Variants in TEX14 observed in about 807,000 individuals in gnomAD.
The protein encoded by TEX14 is testis expressed 14, intercellular bridge forming factor, also known as inactive serine/threonine-protein kinase TEX14.
A neutral mutation model predicts 178.6 loss-of-function variants in TEX14; 168 were observed. The observed-to-expected ratio is 0.94, with a 90% CI of 0.83 to 1.07. The LOEUF (loss-of-function observed/expected upper bound fraction) is 1.07. Ranked by LOEUF, TEX14 falls within the 50% of genes least tolerant of loss-of-function variation. TEX14 has a pLI of 0.00. For synonymous variants in TEX14, 626 were observed against 634.1 expected (o/e 0.99, Z 0.19); for missense variants, 1,730 against 1,753.6 (o/e 0.99, Z 0.24).
At chr17:58,616,414 T>C in intron 6 of TEX14, 109 bp from the exon 7 acceptor site, 3 of 1,426,262 alleles carry the variant, frequency 2.1e-6, no homozygotes, top group Non-Finnish European at 2.8e-6. Flanking sequence ...TTATCAACTT[T>C]CTGAATACCC....
At chr17:58,651,721 G>T in intron 2 of TEX14, 145 bp downstream of exon 2, 2 of 730,720 alleles carry the variant, frequency 2.7e-6, no homozygotes, top group Non-Finnish European at 4.2e-6. Flanking sequence ...TCTCTTGACT[G>T]CACTGCTAGA....
intron 18 of TEX14, among the ~76,000 whole-genome samples, chr17:58,585,153 G>T (rs1489956525): frequency 6.6e-6 from 1 of 152,192 alleles, no homozygotes; most frequent in African/African-American, 2.4e-5. Context: ...GACATGGGCA[G>T]TAGGCAGTGA....
chr17:58,611,265 G>C lies in TEX14; in HGVS notation c.1080C>G (p.Tyr360Ter), dbSNP rs2045739538. Residue 360 changes from tyrosine (Y) to a stop codon, truncating the protein, a stop_gained, in exon 10 of 32, where the codon TAC becomes TAG. Coordinates refer to ENST00000349033, the MANE Select transcript of TEX14 (RefSeq NM_031272.5). LOFTEE classifies it high-confidence loss of function. ...GGTGGATAAACCCCTGGAAATGCAGGTATCTCAGGGCATCAGATATCTGGA... is the reference window on the plus strand; with the variant it reads ...GGTGGATAAACCCCTGGAAATGCAGCTATCTCAGGGCATCAGATATCTGGA... ...LLLQISDALR[Y>*]LHFQGFIHRS... is the part of the protein sequence containing the mutation. The C allele has an allele frequency of 6.2e-7, 1 of 1,610,456 alleles. No individual in the cohort carries two copies. Among genetic ancestry groups the C allele is most frequent in the Non-Finnish European group, 8.5e-7 (1 of 1,176,834 alleles).
intron 1 of TEX14, chr17:58,659,293 G>T (rs185171271): frequency 6.1e-5 from 59 of 961,614 alleles, no homozygotes; most frequent in Non-Finnish European, 7.3e-5. Flanking sequence ...TCTCTCCCCC[G>T]CCACAAAGAC....
intron 28 of TEX14, chr17:58,564,121 T>C (rs1336404083): frequency 6.6e-6 from 1 of 152,106 alleles, no homozygotes; most frequent in Non-Finnish European, 1.5e-5. Flanking sequence ...TGGAAAATAG[T>C]GTGGCAGTTC....
intron 3 of TEX14, among the ~76,000 whole-genome samples, chr17:58,629,962 C>T (rs560892242): frequency 3.4e-4 from 51 of 148,412 alleles, no homozygotes; most frequent in Admixed American, 1.1e-3. Flanking sequence ...CCACCTCGGC[C>T]TCCCAAAGTG....
intron 13 of TEX14, 28 bp downstream of exon 13, chr17:58,601,778 T>G (rs1254013011): frequency 6.2e-7 from 1 of 1,603,500 alleles, no homozygotes; most frequent in South Asian, 1.1e-5. Flanking sequence ...TGTGTCAAAC[T>G]AACACAACCT....
At chr17:58,568,659 C>G (rs988723954) in intron 26 of TEX14, among the ~76,000 whole-genome samples, 7 of 152,230 alleles carry the variant, frequency 4.6e-5, no homozygotes, top group African/African-American at 1.7e-4. Flanking sequence ...AGCCAATCAG[C>G]TGCAAATAAA....
intron 1 of TEX14, chr17:58,661,663 G>C: frequency 1.6e-6 from 1 of 624,102 alleles, no homozygotes; most frequent in Middle Eastern, 3.6e-4. Flanking sequence ...AGATTCTGGC[G>C]TAGATTTCTA....
rs746831017 is a variant in TEX14 at position 58,587,933 on chromosome 17, G to A, written c.2665C>T (p.Pro889Ser). Reference protein sequence around the residue: ...LFTLSSHRQGPSASPSCHWDS... With the variant: ...LFTLSSHRQGSSASPSCHWDS... The stretch of plus-strand genomic sequence containing the variant: ...CAGTGACAGCTGGGTGATGCAGAAG[G>A]TCCCTGCCGGTGGCTTGACAGAGTG... The change falls in exon 16 of 32, where the codon CCT (proline) becomes TCT (serine). Residue 889 changes from proline to serine, a missense_variant. By Grantham distance (74) the Pro-to-Ser change is moderately conservative (BLOSUM62 -1). This residue lies in a region of TEX14 where 941 missense variants were observed against 1,072.4 expected (regional missense o/e 0.88). Coordinates refer to ENST00000349033, the MANE Select transcript of TEX14 (RefSeq NM_031272.5). 3 of 1,613,570 alleles carry A rather than the reference G, an allele frequency of 1.9e-6. No homozygotes were observed. In the African/African-American group the frequency reaches 4.0e-5, roughly 22 times the overall value.
At chr17:58,628,655 T>C (rs1359494426) in intron 3 of TEX14, among the ~76,000 whole-genome samples, 1 of 150,394 alleles carries the variant, frequency 6.6e-6, no homozygotes, top group Non-Finnish European at 1.5e-5. Flanking sequence ...CAGATTGCAA[T>C]GAGCCGAGAT....
chr17:58,659,411 T>C (rs1474893233), intron 1 of TEX14: 14 of 727,190 alleles, frequency 1.9e-5, no homozygotes, highest in Non-Finnish European at 2.2e-5. Flanking sequence ...AAACTACCGC[T>C]TCTTCGTATG....
chr17:58,631,199 C>T (rs1005419080), intron 2 of TEX14: 4 of 957,314 alleles, frequency 4.2e-6, no homozygotes, highest in Non-Finnish European at 5.0e-6. Flanking sequence ...CAGTGGCTCA[C>T]GCCTGTAATG....
chr17:58,583,188 A>G (rs1204132287), intron 19 of TEX14, among the ~76,000 whole-genome samples: 2 of 151,840 alleles, frequency 1.3e-5, no homozygotes, highest in African/African-American at 4.8e-5. Context: ...GCTGGAGTGC[A>G]GTGGCCTGAT....
At chr17:58,690,757 G>A (rs2047690391) in intron 1 of TEX14, among the ~76,000 whole-genome samples, 1 of 152,088 alleles carries the variant, frequency 6.6e-6, no homozygotes, top group African/African-American at 2.4e-5. Flanking sequence ...TACCAAATGG[G>A]GTATAAATGC....
chr17:58,604,266 A>G (rs2045551411), intron 11 of TEX14, among the ~76,000 whole-genome samples: 1 of 151,542 alleles, frequency 6.6e-6, no homozygotes. Context: ...AGGTCAAGCG[A>G]TCGAGACCAG....
chr17:58,673,058 TA>T (rs978202610), intron 1 of TEX14, among the ~76,000 whole-genome samples: 1 of 151,798 alleles, frequency 6.6e-6, no homozygotes, highest in African/African-American at 2.4e-5. Context: ...ATACTTTTTT[TA>T]AAAAAAATTT....
chr17:58,651,714 C>T lies in TEX14; in HGVS notation c.136+152G>A, dbSNP rs1401780768. ...CTCAAAATGAGGATTTAACACCTCT[C>T]TTGACTGCACTGCTAGAGAACATCT... On this transcript the variant is annotated intron_variant, in intron 2 of 31. Transcript: ENST00000349033. 5.7e-6 allele frequency: 4 copies of T among 697,050 alleles called. No homozygotes were observed. The Admixed American group carries it at 1.3e-4, about 23-fold the overall frequency. The allele number at this position is 697,050 out of a possible 1,614,324, so 43.2% of individuals were successfully genotyped here.
chr17:58,634,294 T>C (rs1033841639), intron 2 of TEX14, among the ~76,000 whole-genome samples: 3 of 152,100 alleles, frequency 2.0e-5, no homozygotes, highest in Non-Finnish European at 4.4e-5. Flanking sequence ...ATGCCTGTAA[T>C]GCCAGCTACT....
Sources: allele counts gnomAD v4.1 joint callset (sites outside exome capture counted in the v4.1 genomes callset), GRCh38; gene constraint gnomAD v4.1.1; regional missense constraint gnomAD v4.1.1; transcripts MANE v1.5; gene names NCBI Gene and HGNC (gene_info 2026-07-23, HGNC 2026-07-21).